DLEU7: variants seen among roughly 807,000 people sequenced by gnomAD.
DLEU7 encodes the protein deleted in lymphocytic leukemia 7, also known as leukemia-associated protein 7.
In DLEU7, 17 loss-of-function variants were observed where a neutral mutation model predicts 16.0. That is an observed-to-expected ratio of 1.06 (90% CI 0.73 to 1.59). The LOEUF is 1.59. DLEU7 is among the 40% of genes most tolerant of loss of function. The probability of loss-of-function intolerance (pLI) is 0.00; values close to 1 mark genes in which losing one functional copy is unlikely to be tolerated. For synonymous variants in DLEU7, 113 were observed against 139.8 expected, an observed-to-expected ratio of 0.81 and a Z score of 1.35; for missense variants, 308 against 314.9, an observed-to-expected ratio of 0.98 and a Z score of 0.17.
intron 1 of DLEU7, among the ~76,000 whole-genome samples, chr13:50,733,564 T>C (rs1873979108): frequency 6.6e-6 from 1 of 151,766 alleles, no homozygotes; most frequent in African/African-American, 2.4e-5. Context: ...TTCTCCCCAC[T>C]CGTTAAGGGG....
At position 50,790,900 on chromosome 13, in the gene DLEU7, A is replaced by G. The variant is rs75012673; in HGVS notation, c.459+52288T>C. Among the ~76,000 whole-genome samples, 1,338 of 152,230 alleles carry G rather than the reference A, an allele frequency of 8.8e-3. 21 individuals are homozygous for G. Among genetic ancestry groups the G allele is most frequent in the African/African-American group, 0.03 (1,261 of 41,532 alleles). ...TTCCTCAAAAAAAGTTTAGCATGTT[A>G]TTGCCCAAGCTGAATAAGCTCACTT... On this transcript the variant is annotated intron_variant, in intron 1 of 1. Coordinates refer to the DLEU7 transcript ENST00000400393.
At chr13:50,750,608 C>G (rs1874533809) in intron 1 of DLEU7, among the ~76,000 whole-genome samples, 1 of 152,114 alleles carries the variant, frequency 6.6e-6, no homozygotes, top group Non-Finnish European at 1.5e-5. Context: ...TGATTTCTTT[C>G]AAAAGCATTT....
In DLEU7 at chr13:50,757,450, C is replaced by T. The variant is rs116185869; in HGVS notation, c.460-44210G>A. On this transcript the variant is annotated intron_variant, in intron 1 of 1. Transcript: ENST00000400393. ...CATGCTAGGTTTATTGATAGACATC[C>T]AAAATGATCAGAGATTCTGAGATGT... 3.2e-3 allele frequency among the ~76,000 whole-genome samples: 487 copies of T among 152,256 alleles called. 2 individuals carry two copies. Among genetic ancestry groups the T allele is most frequent in the African/African-American group, 0.011 (460 of 41,562 alleles).
chr13:50,793,185 C>T (rs770574481), intron 1 of DLEU7, among the ~76,000 whole-genome samples: 9 of 151,916 alleles, frequency 5.9e-5, no homozygotes, highest in East Asian at 1.9e-4. Flanking sequence ...CAGATGCACC[C>T]GTGTTGCTGC....
At chr13:50,756,894 G>A (rs1219809201) in intron 1 of DLEU7, among the ~76,000 whole-genome samples, 3 of 152,242 alleles carry the variant, frequency 2.0e-5, no homozygotes, top group African/African-American at 4.8e-5. Flanking sequence ...GGCCTTTCCC[G>A]CTGCTTCCTC....
At chr13:50,760,162 G>T (rs2181728) in intron 1 of DLEU7, among the ~76,000 whole-genome samples, 5,035 of 152,226 alleles carry the variant, frequency 0.033, 170 homozygotes, top group African/African-American at 0.089. Context: ...TTAGGCTTTT[G>T]TGTTCATCTT....
chr13:50,718,478 G>A (rs979373802), intron 1 of DLEU7, among the ~76,000 whole-genome samples: 7 of 152,210 alleles, frequency 4.6e-5, no homozygotes, highest in Non-Finnish European at 7.3e-5. Context: ...CTATTGGCTG[G>A]AGAAGGAATC....
exon 2 of DLEU7, chr13:50,712,854 C>T (rs532443016): frequency 7.4e-5 from 17 of 230,910 alleles, no homozygotes; most frequent in South Asian, 5.0e-4. Context: ...TTCTGAAAAG[C>T]GACTATAACA....
intron 1 of DLEU7, among the ~76,000 whole-genome samples, chr13:50,729,075 G>A (rs952962743): frequency 3.9e-5 from 6 of 152,036 alleles, no homozygotes; most frequent in African/African-American, 1.2e-4. Flanking sequence ...GGTTTGTCAC[G>A]TAGGTACATT....
intron 1 of DLEU7, among the ~76,000 whole-genome samples, chr13:50,835,719 C>T (rs768068986): frequency 2.2e-4 from 33 of 152,328 alleles, no homozygotes; most frequent in East Asian, 3.9e-4. Context: ...GGATGTCTCT[C>T]GGAAAAACCG....
intron 1 of DLEU7, among the ~76,000 whole-genome samples, chr13:50,759,275 A>ACAGTCAGTTAAGC (rs1818498575): frequency 6.6e-6 from 1 of 152,220 alleles, no homozygotes; most frequent in African/African-American, 2.4e-5. Context: ...GACTGACATA[A>ACAGTCAGTTAAGC]CATACTAGCT....
chr13:50,713,024 C>A, exon 2 of DLEU7: 1 of 587,630 alleles, frequency 1.7e-6, no homozygotes. Flanking sequence ...GCGTTCCAAT[C>A]GGAGGTAATA....
chr13:50,797,889 C>A (rs530009717), intron 1 of DLEU7, among the ~76,000 whole-genome samples: 1 of 152,296 alleles, frequency 6.6e-6, no homozygotes, highest in East Asian at 1.9e-4. Flanking sequence ...GTACTATTGT[C>A]CCCTATTGTT....
At chr13:50,740,930 A>G (rs1334259562) in intron 1 of DLEU7, among the ~76,000 whole-genome samples, 3 of 152,106 alleles carry the variant, frequency 2.0e-5, no homozygotes, top group African/African-American at 7.2e-5. Flanking sequence ...CTGAACTCAT[A>G]GAAACACTTG....
intron 1 of DLEU7, among the ~76,000 whole-genome samples, chr13:50,781,573 G>A (rs187554131): frequency 1.3e-4 from 20 of 152,234 alleles, no homozygotes; most frequent in Non-Finnish European, 2.4e-4. Flanking sequence ...TCACTGCCTC[G>A]TGGATCTTCC....
intron 1 of DLEU7, among the ~76,000 whole-genome samples, chr13:50,829,170 C>T (rs1041027831): frequency 6.6e-6 from 1 of 151,980 alleles, no homozygotes; most frequent in East Asian, 1.9e-4. Flanking sequence ...CCAGGGAAGC[C>T]AAAAAATTGG....
chr13:50,782,257 G>A (rs1441885061), intron 1 of DLEU7, among the ~76,000 whole-genome samples: 1 of 152,140 alleles, frequency 6.6e-6, no homozygotes, highest in Non-Finnish European at 1.5e-5. Context: ...ACAGTGACTG[G>A]CATGGTTCCT....
At chr13:50,754,512 C>G (rs1032501015) in intron 1 of DLEU7, among the ~76,000 whole-genome samples, 21 of 152,108 alleles carry the variant, frequency 1.4e-4, no homozygotes, top group Non-Finnish European at 4.4e-5. Flanking sequence ...TTTTGGTGTC[C>G]ATTTGCATAA....
At chr13:50,739,682 C>T (rs556002422) in intron 1 of DLEU7, among the ~76,000 whole-genome samples, 2 of 152,250 alleles carry the variant, frequency 1.3e-5, no homozygotes, top group African/African-American at 4.8e-5. Flanking sequence ...TGCAAAAATT[C>T]TCTCACCAGC....
Sources: gnomAD v4.1 joint callset for allele counts (sites outside exome capture counted in the v4.1 genomes callset) on GRCh38, gnomAD v4.1.1 for gene constraint, MANE v1.5 for transcripts, NCBI Gene and HGNC (gene_info 2026-07-23, HGNC 2026-07-21) for gene names.